STIL: variants seen among roughly 807,000 people sequenced by gnomAD.
STIL encodes SCL-interrupting locus protein.
Under a neutral mutation model 110.1 loss-of-function variants are expected in STIL, and 55 were observed. The ratio of observed to expected loss-of-function variants is 0.50; its 90% CI spans 0.40 to 0.63. STIL has a LOEUF of 0.63. Ranked by LOEUF, STIL falls within the 20% of genes least tolerant of loss-of-function variation. The pLI, the probability that STIL is intolerant of heterozygous loss-of-function variation, is 0.00. For missense variants in STIL, 1,358 were observed against 1,530.0 expected (o/e 0.89, Z 1.87); for synonymous variants, 481 against 530.0 (o/e 0.91, Z 1.27).
rs748455762 is a variant in STIL at position 47,281,054 on chromosome 1, C to T, written c.1404G>A (p.Gln468=). ...HLEHLKPLQP[Q]LYDEKHSPEV... is the part of the protein sequence containing the mutation. Reference sequence around the variant, plus strand: ...CTGGACTGTGTTTCTCATCATAAAGCTGGGGTTGCAATGGCTTCAAGTGTT... The same window carrying T: ...CTGGACTGTGTTTCTCATCATAAAGTTGGGGTTGCAATGGCTTCAAGTGTT... Residue 468 remains glutamine (Q), a synonymous_variant, in exon 12 of 17, where the codon CAG becomes CAA. Coordinates refer to ENST00000371877, the MANE Select transcript of STIL (RefSeq NM_001048166.1). The T allele has an allele frequency of 3.1e-6, 5 of 1,613,970 alleles. No homozygotes were observed. The highest frequency in any genetic ancestry group is 4.2e-6 in the Non-Finnish European group (5 of 1,180,022).
At chr1:47,314,153 G>C (rs533077712), upstream of STIL, 1 of 152,312 alleles carries the variant, frequency 6.6e-6, no homozygotes, top group African/African-American at 2.4e-5. Context: ...GAACTGAGGC[G>C]GCAAACACAA....
Position 47,262,951 on chromosome 1 carries a change from G to C in STIL, c.2781C>G (p.Pro927=), listed in dbSNP as rs1644527547. 1 of 1,614,034 alleles carries C rather than the reference G, an allele frequency of 6.2e-7. No homozygotes were observed. Among genetic ancestry groups the C allele is most frequent in the Non-Finnish European group, 8.5e-7 (1 of 1,180,038 alleles). The change falls in exon 15 of 17, where the codon CCC becomes CCG. Residue 927 remains proline (P), a synonymous_variant. Transcript: ENST00000371877. ...EEPKIEHVMQ[P]LLHQPSDNQK... ...GGTTATCTGATGGTTGATGAAGCAA[G>C]GGTTGCATTACATGCTCAATTTTTG...
chr1:47,251,024 C>G lies in STIL; in HGVS notation c.*112G>C. On this transcript the variant is annotated 3_prime_UTR_variant, in exon 17 of 17. Transcript: ENST00000371877. ...GTCACTCTTCCCAATTGGCTGCTAC[C>G]AAGAAACAGTGACTCCAGAATGATC... 9.2e-7 allele frequency: 1 copy of G among 1,083,180 alleles called. No homozygotes were observed. The highest frequency in any genetic ancestry group is 1.3e-6 in the Non-Finnish European group (1 of 761,534). The allele number at this position is 1,083,180 out of a possible 1,614,324, so 67.1% of individuals were successfully genotyped here. A position where few individuals can be genotyped will look rare whatever the true frequency, so the allele number is the denominator to read the frequency against.
chr1:47,276,911 G>C (rs1645011449), intron 12 of STIL, among the ~76,000 whole-genome samples: 1 of 150,968 alleles, frequency 6.6e-6, no homozygotes, highest in African/African-American at 2.4e-5. Context: ...AATGGTTTGG[G>C]GATACTAAAT....
At chr1:47,275,531 C>A (rs1366669076) in intron 12 of STIL, among the ~76,000 whole-genome samples, 2 of 152,032 alleles carry the variant, frequency 1.3e-5, no homozygotes, top group East Asian at 3.9e-4. Context: ...TGGTGTGAAC[C>A]CGGGAGGCAG....
chr1:47,277,957 C>G lies in STIL; in HGVS notation c.2217+2284G>C, dbSNP rs565779141. On this transcript the variant is annotated intron_variant, in intron 12 of 16. Coordinates refer to ENST00000371877, the MANE Select transcript of STIL (RefSeq NM_001048166.1). Reference sequence around the variant, plus strand: ...AGGTAACTTGTCCATGATCTTGTAACCTACAGTACCCACAAACTAGATCAG... The same window carrying G: ...AGGTAACTTGTCCATGATCTTGTAAGCTACAGTACCCACAAACTAGATCAG... 5.9e-5 allele frequency among the ~76,000 whole-genome samples: 9 copies of G among 152,182 alleles called. No individual in the cohort carries two copies. In the South Asian group the frequency reaches 1.9e-3, roughly 32 times the overall value.
chr1:47,268,723 A>G (rs1230240981), intron 14 of STIL, among the ~76,000 whole-genome samples: 1 of 151,730 alleles, frequency 6.6e-6, no homozygotes. Context: ...GCACCATTGC[A>G]CTCTAGACTG....
At chr1:47,286,969 C>T (rs959798578) in intron 10 of STIL, among the ~76,000 whole-genome samples, 11 of 152,174 alleles carry the variant, frequency 7.2e-5, no homozygotes, top group South Asian at 4.1e-4. Context: ...GTGATCTGCT[C>T]GCCTTGGACT....
intron 1 of STIL, among the ~76,000 whole-genome samples, chr1:47,312,785 G>C (rs1053093513): frequency 6.7e-6 from 1 of 149,470 alleles, no homozygotes; most frequent in African/African-American, 2.5e-5. Context: ...AGCCACTAAA[G>C]GTAATAAAAC....
intron 11 of STIL, 70 bp from the exon 12 acceptor site, chr1:47,281,279 A>G: frequency 1.4e-6 from 2 of 1,447,696 alleles, no homozygotes; most frequent in Non-Finnish European, 9.3e-7. Flanking sequence ...CTTTCCTCAG[A>G]CCAGTATTTC....
At chr1:47,291,529 T>C (rs1477486099) in intron 8 of STIL, among the ~76,000 whole-genome samples, 1 of 152,064 alleles carries the variant, frequency 6.6e-6, no homozygotes, top group East Asian at 1.9e-4. Context: ...TAACATACTA[T>C]TTATTTTATT....
In STIL at chr1:47,250,452, C is replaced by A. The variant is rs1341722026; in HGVS notation, c.*684G>T. 4 of 168,398 alleles carry A rather than the reference C, an allele frequency of 2.4e-5. No individual in the cohort carries two copies. Among genetic ancestry groups the A allele is most frequent in the African/African-American group, 9.5e-5 (4 of 41,956 alleles). 10.4% of individuals were successfully genotyped at this position (168,398 alleles called of 1,614,324 possible). A position where few individuals can be genotyped will look rare whatever the true frequency, so the allele number is the denominator to read the frequency against. On this transcript the variant is annotated 3_prime_UTR_variant, in exon 17 of 17. Coordinates refer to ENST00000371877, the MANE Select transcript of STIL (RefSeq NM_001048166.1). ...GAAGGGTTGATTTCGCTAATTTACC[C>A]AACACCATGATAACTTATGTTCTTT...
chr1:47,309,581 G>A (rs1646063463), intron 2 of STIL, among the ~76,000 whole-genome samples: 1 of 151,982 alleles, frequency 6.6e-6, no homozygotes, highest in African/African-American at 2.4e-5. Flanking sequence ...GAATAAAGGC[G>A]ACCCATGAAT....
At position 47,286,277 on chromosome 1, in the gene STIL, C is replaced by T. The variant is rs113168001; in HGVS notation, c.1133+1274G>A. On this transcript the variant is annotated intron_variant, in intron 10 of 16. Transcript: ENST00000371877. The stretch of plus-strand genomic sequence containing the variant: ...CTGCCTGCCCCCCACCACTAGTTAC[C>T]GTTTGATTTAATCACCCACAGCTTT... Among the ~76,000 whole-genome samples, 1,158 of 152,092 alleles carry T rather than the reference C, an allele frequency of 7.6e-3. 14 individuals carry two copies. The highest frequency in any genetic ancestry group is 0.026 in the African/African-American group (1,096 of 41,434).
intron 14 of STIL, among the ~76,000 whole-genome samples, chr1:47,268,315 G>A (rs768839930): frequency 4.6e-5 from 7 of 151,880 alleles, no homozygotes; most frequent in East Asian, 1.9e-4. Context: ...GCGTGGTGGC[G>A]CACGCCTGTA....
Position 47,306,076 on chromosome 1 carries a change from C to A in STIL, c.45-1080G>T, listed in dbSNP as rs565838781. 3.9e-5 allele frequency among the ~76,000 whole-genome samples: 6 copies of A among 152,128 alleles called. No homozygotes were observed. In the South Asian group the frequency reaches 1.0e-3, roughly 26 times the overall value. On this transcript the variant is annotated intron_variant, in intron 2 of 16. Transcript: ENST00000371877. ...AGAAAATTCACTTGTAACTCTACTA[C>A]CAGGAGAATAGGCACTCAAAATTTG...
intron 7 of STIL, among the ~76,000 whole-genome samples, chr1:47,294,498 A>C (rs1273961305): frequency 6.6e-6 from 1 of 152,248 alleles, no homozygotes; most frequent in Non-Finnish European, 1.5e-5. Context: ...CAGCCTGGGC[A>C]ACATGGCGAA....
chr1:47,263,325 T>G (rs1644536317), intron 14 of STIL, among the ~76,000 whole-genome samples: 1 of 152,050 alleles, frequency 6.6e-6, no homozygotes, highest in Non-Finnish European at 1.5e-5. Context: ...CAAGAGAAGT[T>G]TGAGGTAAGA....
rs200974665 is a variant in STIL at position 47,304,920 on chromosome 1, C to G, written c.121G>C (p.Asp41His). Residue 41 changes from aspartate (D) to histidine (H), a missense_variant, in exon 3 of 17, where the codon GAT becomes CAT. By Grantham distance (81) the Asp-to-His change is moderately conservative (BLOSUM62 -1). Coordinates refer to ENST00000371877, the MANE Select transcript of STIL (RefSeq NM_001048166.1). ...TAACTGAGATGTAAGTAGATGAAAT[C>G]TCCAGTTGGCGTTGGGTTCCAAAGT... ...CALWNPTPTGDFIYLHLSYYR... is the reference protein window; with the variant it reads ...CALWNPTPTGHFIYLHLSYYR... The G allele has an allele frequency of 6.4e-5, 103 of 1,613,596 alleles. No individual in the cohort carries two copies. The highest frequency in any genetic ancestry group is 8.6e-5 in the Non-Finnish European group (101 of 1,179,750).
Sources: gnomAD v4.1 joint callset for allele counts (sites outside exome capture counted in the v4.1 genomes callset) on GRCh38, gnomAD v4.1.1 for gene constraint, MANE v1.5 for transcripts, NCBI Gene and HGNC (gene_info 2026-07-23, HGNC 2026-07-21) for gene names.